Variants in DPYD observed in about 807,000 individuals in gnomAD.
DPYD encodes dihydropyrimidine dehydrogenase.
In DPYD, 109 loss-of-function variants were observed where a neutral mutation model predicts 116.2. The ratio of observed to expected loss-of-function variants is 0.94; its 90% CI spans 0.80 to 1.10. The LOEUF (loss-of-function observed/expected upper bound fraction) is 1.10. DPYD is among the 50% of genes least tolerant of loss of function. The pLI is 0.00. For missense variants in DPYD, 1,302 were observed against 1,254.5 expected, an observed-to-expected ratio of 1.04 and a Z score of -0.57; for synonymous variants, 440 against 432.0, an observed-to-expected ratio of 1.02 and a Z score of -0.23.
intron 8 of DPYD, among the ~76,000 whole-genome samples, chr1:97,623,704 G>T (rs1306091059): frequency 1.3e-5 from 2 of 151,788 alleles, no homozygotes; most frequent in African/African-American, 4.8e-5. Context: ...AAAACTGGAG[G>T]TATCACATTA....
At position 97,549,743 on chromosome 1, in the gene DPYD, T is replaced by C; in HGVS notation, c.1341A>G (p.Val447=). 1 of 1,613,308 alleles carries C rather than the reference T, an allele frequency of 6.2e-7. No individual in the cohort carries two copies. Among genetic ancestry groups the C allele is most frequent in the South Asian group, 1.1e-5 (1 of 91,004 alleles). The change falls in exon 12 of 23, where the codon GTA becomes GTG. Residue 447 remains valine, a splice_region_variant and synonymous_variant. Coordinates refer to ENST00000370192, the MANE Select transcript of DPYD (RefSeq NM_000110.4). ...AFGSVLSDPK[V]KEALSPIKFN... is the part of the protein sequence containing the mutation. ...ATTTTATAGGGCTCAAGGCTTCTTT[T>C]ACTGAAAAAACAAGTGAAAAACAAT...
chr1:97,607,127 T>G (rs1022507560), intron 8 of DPYD, among the ~76,000 whole-genome samples: 7 of 151,848 alleles, frequency 4.6e-5, no homozygotes, highest in African/African-American at 1.7e-4. Flanking sequence ...TACAGTAACT[T>G]AAATGAGAAA....
At chr1:97,217,894 C>A (rs1348908145) in intron 19 of DPYD, among the ~76,000 whole-genome samples, 2 of 152,162 alleles carry the variant, frequency 1.3e-5, no homozygotes, top group African/African-American at 4.8e-5. Context: ...AATTGTGATA[C>A]TCGCTTTATC....
chr1:97,652,766 T>C (rs561556557), intron 8 of DPYD, among the ~76,000 whole-genome samples: 6 of 152,268 alleles, frequency 3.9e-5, no homozygotes, highest in Admixed American at 3.3e-4. Context: ...ACTCAGATGC[T>C]TTTTCACTGT....
chr1:97,361,927 A>C (rs936492131), intron 16 of DPYD, among the ~76,000 whole-genome samples: 10 of 152,188 alleles, frequency 6.6e-5, no homozygotes, highest in South Asian at 2.1e-4. Flanking sequence ...CACTCCTATT[A>C]CACATAGTGT....
intron 5 of DPYD, among the ~76,000 whole-genome samples, chr1:97,710,118 T>A: frequency 6.6e-6 from 1 of 151,824 alleles, no homozygotes; most frequent in East Asian, 1.9e-4. Context: ...TTCATCAGTG[T>A]AGGTCTAAGA....
At chr1:97,256,814 A>G (rs987104417) in intron 18 of DPYD, among the ~76,000 whole-genome samples, 2 of 152,126 alleles carry the variant, frequency 1.3e-5, no homozygotes, top group African/African-American at 2.4e-5. Flanking sequence ...TGGATTGCTT[A>G]AAGTCCCTCA....
At chr1:97,461,857 A>G (rs1677052240) in intron 13 of DPYD, among the ~76,000 whole-genome samples, 2 of 152,246 alleles carry the variant, frequency 1.3e-5, no homozygotes, top group African/African-American at 4.8e-5. Flanking sequence ...AATCTTTATC[A>G]CAAGGTTAAA....
At chr1:97,728,621 C>G (rs1183618805) in intron 4 of DPYD, among the ~76,000 whole-genome samples, 1 of 151,854 alleles carries the variant, frequency 6.6e-6, no homozygotes, top group Non-Finnish European at 1.5e-5. Context: ...ATGGAAGCAC[C>G]CTTCCAAGAT....
chr1:97,243,153 A>G (rs1662488387), intron 18 of DPYD, among the ~76,000 whole-genome samples: 1 of 151,904 alleles, frequency 6.6e-6, no homozygotes, highest in Non-Finnish European at 1.5e-5. Context: ...ATATTGGATT[A>G]GTTTTTCTCT....
At chr1:97,837,605 T>C (rs1571443282) in intron 2 of DPYD, among the ~76,000 whole-genome samples, 1 of 152,250 alleles carries the variant, frequency 6.6e-6, no homozygotes, top group East Asian at 1.9e-4. Flanking sequence ...CTGTTTCTGG[T>C]TTCTAAAACA....
chr1:97,108,901 C>T (rs1444623428), intron 20 of DPYD, among the ~76,000 whole-genome samples: 2 of 152,044 alleles, frequency 1.3e-5, no homozygotes, highest in Admixed American at 1.3e-4. Context: ...TATAGATACA[C>T]ATGTGGATGC....
At chr1:97,451,521 T>A (rs1676412207) in intron 13 of DPYD, among the ~76,000 whole-genome samples, 1 of 152,212 alleles carries the variant, frequency 6.6e-6, no homozygotes, top group South Asian at 2.1e-4. Context: ...AATTTTTTAC[T>A]AATTAAGCCA....
chr1:97,575,315 C>T (rs34961061), intron 10 of DPYD, among the ~76,000 whole-genome samples: 21,970 of 151,976 alleles, frequency 0.14, 1,649 homozygotes, highest in Non-Finnish European at 0.17. Flanking sequence ...AGAAAAAAAT[C>T]CTCAGATATC....
intron 18 of DPYD, among the ~76,000 whole-genome samples, chr1:97,250,379 T>C (rs1407839052): frequency 6.6e-6 from 1 of 152,200 alleles, no homozygotes; most frequent in East Asian, 1.9e-4. Context: ...ACCCAGCAAT[T>C]TCTTTCCTAG....
At chr1:97,858,522 A>C (rs1210326347) in intron 2 of DPYD, among the ~76,000 whole-genome samples, 4 of 152,186 alleles carry the variant, frequency 2.6e-5, no homozygotes, top group Non-Finnish European at 4.4e-5. Context: ...TTATAAAGAT[A>C]GTACATCTGT....
intron 5 of DPYD, among the ~76,000 whole-genome samples, chr1:97,715,345 T>C (rs558170505): frequency 2.6e-5 from 4 of 152,242 alleles, no homozygotes; most frequent in South Asian, 2.1e-4. Flanking sequence ...TTAATGAAGA[T>C]TGGACAATAA....
chr1:97,156,155 G>T (rs1655436393), intron 20 of DPYD, among the ~76,000 whole-genome samples: 1 of 152,120 alleles, frequency 6.6e-6, no homozygotes, highest in African/African-American at 2.4e-5. Flanking sequence ...TTTTAAATCT[G>T]TAGTTATTTG....
At chr1:97,772,746 C>T (rs1234794997) in intron 3 of DPYD, among the ~76,000 whole-genome samples, 2 of 152,120 alleles carry the variant, frequency 1.3e-5, no homozygotes, top group African/African-American at 4.8e-5. Flanking sequence ...TCTAGCATAA[C>T]AACAACAACA....
Sources: allele counts gnomAD v4.1 joint callset (sites outside exome capture counted in the v4.1 genomes callset), GRCh38; gene constraint gnomAD v4.1.1; transcripts MANE v1.5; gene names NCBI Gene and HGNC (gene_info 2026-07-23, HGNC 2026-07-21).